Variants in UGT1A4 observed in about 807,000 individuals in gnomAD.
UGT1A4 encodes UDP-glucuronosyltransferase 1A4.
In UGT1A4, 32 loss-of-function variants were observed where a neutral mutation model predicts 41.1. The ratio of observed to expected loss-of-function variants is 0.78; its 90% confidence interval spans 0.59 to 1.05. UGT1A4 has a LOEUF of 1.05. UGT1A4 is among the 50% of genes least tolerant of loss of function. UGT1A4 has a pLI of 0.00. For missense variants in UGT1A4, 748 were observed against 677.4 expected (o/e 1.10, Z -1.16); for synonymous variants, 283 against 265.1 (o/e 1.07, Z -0.66).
At position 233,757,048 on chromosome 2, in the gene UGT1A4, T is replaced by C. The variant is rs536754863; in HGVS notation, c.868-9986T>C. On this transcript the variant is annotated intron_variant, in intron 1 of 4. Transcript: ENST00000373409. ...CAATTTGAGAACATCAAAGGAAGTT[T>C]GGGGAACAGCAAGGGATCCAGAATG... is the stretch of plus-strand genomic sequence containing the variant. Among the ~76,000 whole-genome samples, 5 of 151,546 alleles carry C rather than the reference T, an allele frequency of 3.3e-5. No individual in the cohort carries two copies. In the South Asian group the frequency reaches 1.0e-3, roughly 32 times the overall value.
intron 1 of UGT1A4, among the ~76,000 whole-genome samples, chr2:233,740,072 C>T (rs1243642883): frequency 1.3e-5 from 2 of 151,828 alleles, no homozygotes; most frequent in Admixed American, 1.3e-4. Flanking sequence ...CTTTTCCTCT[C>T]TGTCTCTCGC....
At chr2:233,732,713 G>A (rs556397438) in intron 1 of UGT1A4, among the ~76,000 whole-genome samples, 41 of 149,102 alleles carry the variant, frequency 2.7e-4, no homozygotes, top group African/African-American at 1.0e-3. Flanking sequence ...CTGTAGCCTT[G>A]TAGTACAGTT....
intron 1 of UGT1A4, chr2:233,721,885 A>G: frequency 2.0e-6 from 1 of 488,602 alleles, no homozygotes; most frequent in South Asian, 1.5e-5. Context: ...CAGCCCCTCC[A>G]TTGCAATATC....
intron 1 of UGT1A4, chr2:233,743,801 T>C (rs1692515723): frequency 1.5e-6 from 2 of 1,367,278 alleles, no homozygotes; most frequent in Non-Finnish European, 2.0e-6. Context: ...CGCTTCCTCC[T>C]TGTTCTCAGG....
Position 233,769,816 on chromosome 2 carries a change from C to A in UGT1A4, c.1307+1377C>A. On this transcript the variant is annotated intron_variant, in intron 4 of 4. Transcript: ENST00000373409. The surrounding 1 kb of genome is among the most constrained non-coding windows in gnomAD (Gnocchi z 4.4). ...GCTGCTATGAGCCGTGATCATGCCA[C>A]TGCACTCCAGCAACCTGGGCAACAG... 2.2e-6 allele frequency: 2 copies of A among 922,022 alleles called. No individual in the cohort carries two copies. The highest frequency in any genetic ancestry group is 1.5e-6 in the Non-Finnish European group (1 of 663,950). The allele number at this position is 922,022 out of a possible 1,614,324, so 57.1% of individuals were successfully genotyped here. A position where few individuals can be genotyped will look rare whatever the true frequency, so the allele number is the denominator to read the frequency against.
chr2:233,734,624 C>A (rs1319602311), intron 1 of UGT1A4, among the ~76,000 whole-genome samples: 1 of 152,146 alleles, frequency 6.6e-6, no homozygotes, highest in Non-Finnish European at 1.5e-5. Flanking sequence ...GATTTTAGAT[C>A]TTTCCTGCTT....
chr2:233,752,472 A>C (rs185071344), intron 1 of UGT1A4: 1 of 152,238 alleles, frequency 6.6e-6, no homozygotes, highest in Non-Finnish European at 1.5e-5. Context: ...GGCCTCTAGC[A>C]GTGTTATGTT....
chr2:233,735,071 T>C (rs1186471486), intron 1 of UGT1A4, among the ~76,000 whole-genome samples: 1 of 152,214 alleles, frequency 6.6e-6, no homozygotes, highest in Non-Finnish European at 1.5e-5. Flanking sequence ...GATATCCTTG[T>C]TAACCTTTGG....
chr2:233,757,298 TG>T (rs1270061010), intron 1 of UGT1A4, among the ~76,000 whole-genome samples: 3 of 5,528 alleles, frequency 5.4e-4, no homozygotes, highest in Non-Finnish European at 9.8e-4. Context: ...AGCTGGGGGT[TG>T]GGGGACAGGG....
At position 233,760,649 on chromosome 2, in the gene UGT1A4, C is replaced by T; in HGVS notation, c.868-6385C>T. The T allele has an allele frequency of 6.2e-7, 1 of 1,614,206 alleles. No individual in the cohort carries two copies. The highest frequency in any genetic ancestry group is 2.2e-5 in the East Asian group (1 of 44,882). On this transcript the variant is annotated intron_variant, in intron 1 of 4. Coordinates refer to ENST00000373409, the MANE Select transcript of UGT1A4 (RefSeq NM_007120.3). ...TACAAGAAAATAAAAAAGGACTCTG[C>T]TATGCTTTTGTCTGGCTGTTCCCAC...
intron 1 of UGT1A4, among the ~76,000 whole-genome samples, chr2:233,737,512 C>T (rs2078888926): frequency 6.6e-6 from 1 of 152,170 alleles, no homozygotes; most frequent in African/African-American, 2.4e-5. Context: ...CTTGCACTTC[C>T]TAGGTGAGGC....
At chr2:233,727,462 C>G (rs1389495437) in intron 1 of UGT1A4, among the ~76,000 whole-genome samples, 2 of 152,116 alleles carry the variant, frequency 1.3e-5, no homozygotes, top group Non-Finnish European at 2.9e-5. Context: ...ACTTCACTGT[C>G]TAAATAAAAC....
At chr2:233,729,094 G>A in intron 1 of UGT1A4, 1 of 1,612,652 alleles carries the variant, frequency 6.2e-7, no homozygotes, top group Non-Finnish European at 8.5e-7. Context: ...ACAGCGTGGG[G>A]TGGACAGTCA....
intron 1 of UGT1A4, chr2:233,760,692 G>A (rs541943163): frequency 1.2e-6 from 2 of 1,614,200 alleles, no homozygotes; most frequent in South Asian, 1.1e-5. Flanking sequence ...ACAACAAGGA[G>A]CTCATGGCCT....
chr2:233,727,581 A>G (rs748727287), intron 1 of UGT1A4, among the ~76,000 whole-genome samples: 1 of 152,154 alleles, frequency 6.6e-6, no homozygotes, highest in African/African-American at 2.4e-5. Context: ...TAGGAAGCAT[A>G]TAGTTTTAAG....
At chr2:233,768,557 A>C in intron 4 of UGT1A4, 118 bp downstream of exon 4, 1 of 1,466,482 alleles carries the variant, frequency 6.8e-7, no homozygotes, top group Non-Finnish European at 9.0e-7. Flanking sequence ...AAACAAATAC[A>C]TAAAAATCTG....
chr2:233,771,170 G>A (rs1309098130), intron 4 of UGT1A4: 1 of 152,100 alleles, frequency 6.6e-6, no homozygotes, highest in African/African-American at 2.4e-5. Flanking sequence ...CCAGCACTGG[G>A]GATTACAATT....
rs950932071 is a variant in UGT1A4 at position 233,766,252 on chromosome 2, CGCTCAGTGGCCCGG to C, written c.868-777_868-764del. ...GGAAGGGTTTCCCCTGGAGTCAGAC[CGCTCAGTGGCCCGG>C]GCTCGGTGGCCCGGGCTCGGTGGCC... On this transcript the variant is annotated intron_variant, in intron 1 of 4. Coordinates refer to ENST00000373409, the MANE Select transcript of UGT1A4 (RefSeq NM_007120.3). 1.1e-4 allele frequency among the ~76,000 whole-genome samples: 17 copies of C among 151,626 alleles called. 1 individual carries two copies. The highest frequency in any genetic ancestry group is 3.4e-4 in the African/African-American group (14 of 41,194).
chr2:233,750,078 A>G (rs1420625358), intron 1 of UGT1A4, among the ~76,000 whole-genome samples: 1 of 151,926 alleles, frequency 6.6e-6, no homozygotes, highest in African/African-American at 2.4e-5. Flanking sequence ...TAACAGGCAG[A>G]GGTTGGAACA....
Sources: gnomAD v4.1 joint callset for allele counts (sites outside exome capture counted in the v4.1 genomes callset) on GRCh38, gnomAD v4.1.1 for gene constraint, Gnocchi (gnomAD v3.1) non-coding constraint, MANE v1.5 for transcripts, NCBI Gene and HGNC (gene_info 2026-07-23, HGNC 2026-07-21) for gene names.